The following SRD5A3 variants were observed in gnomAD, a reference collection of about 807,000 sequenced individuals.
The protein encoded by SRD5A3 is polyprenal reductase.
In SRD5A3, 24 loss-of-function variants were observed where a neutral mutation model predicts 34.3. The observed-to-expected ratio is 0.70, with a 90% CI of 0.51 to 0.99. The LOEUF (loss-of-function observed/expected upper bound fraction) is 0.99. Ranked by LOEUF, SRD5A3 falls within the 50% of genes least tolerant of loss-of-function variation. SRD5A3 has a pLI of 0.00. For missense variants in SRD5A3, 350 were observed against 388.2 expected (o/e 0.90, Z 0.83); for synonymous variants, 161 against 167.3 (o/e 0.96, Z 0.29).
Position 55,346,415 on chromosome 4 carries a change from C to T in SRD5A3, c.79C>T (p.Leu27=), listed in dbSNP as rs781550411. The T allele has an allele frequency of 3.7e-5, 59 of 1,600,082 alleles. No individual in the cohort carries two copies. The highest frequency in any genetic ancestry group is 4.7e-5 in the Non-Finnish European group (55 of 1,174,598). Residue 27 remains leucine, a synonymous_variant, in exon 1 of 5, where the codon CTG becomes TTG. Transcript: ENST00000264228. ...GTGGCTCACGCTGACCGCCGCCTTC[C>T]TGCTGACCCTACTGCTGCAGCTCCT... ...AVWLTLTAAF[L]LTLLLQLLPP... is the part of the protein sequence containing the mutation.
At chr4:55,352,294 C>T in intron 1 of SRD5A3, 1 of 804,404 alleles carries the variant, frequency 1.2e-6, no homozygotes, top group South Asian at 1.3e-5. Flanking sequence ...ACGCTGGGAT[C>T]CTTCTTTTCT....
chr4:55,361,492 A>C (rs1301012269), intron 2 of SRD5A3, among the ~76,000 whole-genome samples: 2 of 151,640 alleles, frequency 1.3e-5, no homozygotes, highest in African/African-American at 4.8e-5. Context: ...CAAAAAAAAA[A>C]AAAAAAAAAA....
intron 3 of SRD5A3, chr4:55,365,553 T>C (rs1719857134): frequency 6.6e-6 from 1 of 152,300 alleles, no homozygotes; most frequent in Non-Finnish European, 1.5e-5. Context: ...AAAGGAACTT[T>C]GCAGAGCGCT....
At chr4:55,359,575 C>G in intron 2 of SRD5A3, 87 bp downstream of exon 2, 1 of 1,563,638 alleles carries the variant, frequency 6.4e-7, no homozygotes. Context: ...ATTTTGTCTC[C>G]TCTCTCGGCA....
chr4:55,363,156 T>C (rs1018689083), intron 2 of SRD5A3, among the ~76,000 whole-genome samples: 2 of 151,956 alleles, frequency 1.3e-5, no homozygotes, highest in African/African-American at 4.8e-5. Context: ...CGTGACTCAT[T>C]TCTTTTTTAA....
At position 55,346,530 on chromosome 4, in the gene SRD5A3, C is replaced by T; in HGVS notation, c.194C>T (p.Ala65Val). 6.3e-7 allele frequency: 1 copy of T among 1,597,966 alleles called. No homozygotes were observed. The highest frequency in any genetic ancestry group is 8.5e-7 in the Non-Finnish European group (1 of 1,173,482). The change falls in exon 1 of 5, where the codon GCC becomes GTC. Residue 65 changes from alanine to valine, a missense_variant. Ala to Val is a moderately conservative substitution (Grantham distance 64). This residue lies in a region of SRD5A3 where 159 missense variants were observed against 149.1 expected (regional missense o/e 1.07). Coordinates refer to ENST00000264228, the MANE Select transcript of SRD5A3 (RefSeq NM_024592.5). ...TKCGEPSRPA[A>V]CRAFDVPKRY... ...TGTGGGGAGCCGTCGCGCCCCGCCG[C>T]CTGCCGAGCCTTTGATGTCCCCAAG...
rs756238927 is a variant in SRD5A3, at chr4:55,346,518, C to G, written c.182C>G (p.Ser61Trp). Residue 61 changes from serine to tryptophan, a missense_variant, in exon 1 of 5, where the codon TCG becomes TGG. Physicochemically the swap from Ser to Trp is radical, Grantham distance 177. Around this residue, in one of 3 missense-constraint regions of SRD5A3, gnomAD observed 159 missense variants for 149.1 expected, o/e 1.07. Coordinates refer to ENST00000264228, the MANE Select transcript of SRD5A3 (RefSeq NM_024592.5). ...RYGKTKCGEP[S>W]RPAACRAFDV... ...GGGAAAACCAAGTGTGGGGAGCCGTCGCGCCCCGCCGCCTGCCGAGCCTTT... is the reference window on the plus strand; with the variant it reads ...GGGAAAACCAAGTGTGGGGAGCCGTGGCGCCCCGCCGCCTGCCGAGCCTTT... 3.4e-5 allele frequency: 54 copies of G among 1,597,756 alleles called. No individual in the cohort carries two copies. The highest frequency in any genetic ancestry group is 4.6e-5 in the Non-Finnish European group (54 of 1,173,518).
chr4:55,346,596 G>C, intron 1 of SRD5A3, 39 bp downstream of exon 1: 2 of 1,524,656 alleles, frequency 1.3e-6, no homozygotes, highest in Non-Finnish European at 1.8e-6. Context: ...TGGTCAAGGC[G>C]CTGAGAGTTC....
At position 55,371,193 on chromosome 4, in the gene SRD5A3, T is replaced by TA. The variant is rs1432208787; in HGVS notation, c.*1103dup. 4.6e-5 allele frequency: 7 copies of TA among 152,366 alleles called. No homozygotes were observed. The highest frequency in any genetic ancestry group is 1.3e-4 in the Admixed American group (2 of 15,306). 9.4% of individuals were successfully genotyped at this position (152,366 alleles called of 1,614,324 possible). On this transcript the variant is annotated 3_prime_UTR_variant, in exon 5 of 5. Transcript: ENST00000264228. ...AAGTGACACACTCTGGATTGAATAATACTGTAGCCTCATTCATATGTAGTT... is the reference window on the plus strand; with the variant it reads ...AAGTGACACACTCTGGATTGAATAATAACTGTAGCCTCATTCATATGTAGTT...
At chr4:55,364,429 G>A in intron 3 of SRD5A3, 158 bp downstream of exon 3, 1 of 846,814 alleles carries the variant, frequency 1.2e-6, no homozygotes, top group South Asian at 1.5e-5. Flanking sequence ...GATTTTAAAA[G>A]GCCGGGCGTG....
intron 1 of SRD5A3, among the ~76,000 whole-genome samples, chr4:55,349,488 G>A (rs550625627): frequency 6.6e-6 from 1 of 151,840 alleles, no homozygotes; most frequent in African/African-American, 2.4e-5. Flanking sequence ...AGTAAAACCT[G>A]AAATTGGTTC....
At position 55,370,172 on chromosome 4, in the gene SRD5A3, G is replaced by A. The variant is rs1205831335; in HGVS notation, c.*81G>A. The A allele has an allele frequency of 1.9e-6, 3 of 1,576,408 alleles. No homozygotes were observed. In the Admixed American group the frequency reaches 5.0e-5, roughly 26 times the overall value. ...AGTGAAGTCTGGAGCCCAAAGTACA[G>A]TTTCAGCAAAGCTGTTTGAAACTCT... On this transcript the variant is annotated 3_prime_UTR_variant, in exon 5 of 5. Coordinates refer to ENST00000264228, the MANE Select transcript of SRD5A3 (RefSeq NM_024592.5).
In SRD5A3 at chr4:55,347,048, A is replaced by G. The variant is rs892119029; in HGVS notation, c.221+491A>G. 1.6e-4 allele frequency among the ~76,000 whole-genome samples: 24 copies of G among 152,252 alleles called. 1 individual carries two copies. The Middle Eastern group carries it at 0.014, about 86-fold the overall frequency. On this transcript the variant is annotated intron_variant, in intron 1 of 4. Transcript: ENST00000264228. Reference sequence around the variant, plus strand: ...TCGGCTTCCCCCGTTTCTCTTCCCAACCCTTGCAGTGGGGACAAAGGACTG... The same window carrying G: ...TCGGCTTCCCCCGTTTCTCTTCCCAGCCCTTGCAGTGGGGACAAAGGACTG...
rs1720166062 is a variant in SRD5A3 at position 55,372,559 on chromosome 4, T to A, written c.*2468T>A. 6.6e-6 allele frequency: 1 copy of A among 152,224 alleles called. No homozygotes were observed. Among genetic ancestry groups the A allele is most frequent in the African/African-American group, 2.4e-5 (1 of 41,460 alleles). 9.4% of individuals were successfully genotyped at this position (152,224 alleles called of 1,614,324 possible). ...AAATAATTGAGAATTGTGCAGTGCT[T>A]GCAGCGTCAGAATCAGCACTGTTTT... On this transcript the variant is annotated 3_prime_UTR_variant, in exon 5 of 5. Coordinates refer to ENST00000264228, the MANE Select transcript of SRD5A3 (RefSeq NM_024592.5).
intron 2 of SRD5A3, 99 bp downstream of exon 2, chr4:55,359,587 C>T: frequency 6.6e-7 from 1 of 1,515,988 alleles, no homozygotes; most frequent in Non-Finnish European, 9.0e-7. Flanking sequence ...CTCTCGGCAC[C>T]TCCTCAGAAG....
intron 1 of SRD5A3, chr4:55,352,094 C>A (rs1322071389): frequency 1.3e-6 from 1 of 780,066 alleles, no homozygotes; most frequent in Non-Finnish European, 2.4e-6. Context: ...AGGCATTACA[C>A]AATCAGTTAT....
chr4:55,349,074 G>A (rs546911268), intron 1 of SRD5A3, among the ~76,000 whole-genome samples: 36 of 152,118 alleles, frequency 2.4e-4, no homozygotes, highest in African/African-American at 7.7e-4. Context: ...TCGCTCTGTC[G>A]CCCAGGCTGG....
At chr4:55,350,081 T>TA (rs1719130972) in intron 1 of SRD5A3, among the ~76,000 whole-genome samples, 1 of 152,092 alleles carries the variant, frequency 6.6e-6, no homozygotes, top group Admixed American at 6.6e-5. Context: ...GAAGTATACA[T>TA]ATTACAGGCT....
Position 55,359,183 on chromosome 4 carries a change from T to A in SRD5A3, c.222-163T>A, listed in dbSNP as rs1719582730. The A allele has an allele frequency of 5.2e-6, 5 of 960,004 alleles. No individual in the cohort carries two copies. In the South Asian group the frequency reaches 7.5e-5, roughly 14 times the overall value. 59.5% of individuals were successfully genotyped at this position (960,004 alleles called of 1,614,324 possible). ...GGTCCCGTTATTTGAAAGGAAATTTTAAGAACCTGAACACCTATAGGATTC... is the reference window on the plus strand; with the variant it reads ...GGTCCCGTTATTTGAAAGGAAATTTAAAGAACCTGAACACCTATAGGATTC... On this transcript the variant is annotated intron_variant, in intron 1 of 4. Coordinates refer to ENST00000264228, the MANE Select transcript of SRD5A3 (RefSeq NM_024592.5).
Sources: allele counts gnomAD v4.1 joint callset (sites outside exome capture counted in the v4.1 genomes callset), GRCh38; gene constraint gnomAD v4.1.1; regional missense constraint gnomAD v4.1.1; transcripts MANE v1.5; gene names NCBI Gene and HGNC (gene_info 2026-07-23, HGNC 2026-07-21).